Variants in OSBPL6 observed in about 807,000 individuals in gnomAD.
The protein encoded by OSBPL6 is oxysterol binding protein like 6.
Under a neutral mutation model 125.8 loss-of-function variants are expected in OSBPL6, and 49 were observed. The ratio of observed to expected loss-of-function variants is 0.39; its 90% confidence interval spans 0.31 to 0.49. OSBPL6 has a LOEUF of 0.49. Among genes scored for constraint, OSBPL6 ranks in the 20% least tolerant of loss-of-function variants. The probability of loss-of-function intolerance (pLI) is 0.88; values close to 1 mark genes in which losing one functional copy is unlikely to be tolerated. For synonymous variants in OSBPL6, 394 were observed against 391.8 expected, an observed-to-expected ratio of 1.01 and a Z score of -0.07; for missense variants, 986 against 1,135.4, an observed-to-expected ratio of 0.87 and a Z score of 1.89.
At chr2:178,352,796 C>G (rs1008506239) in intron 12 of OSBPL6, among the ~76,000 whole-genome samples, 1 of 152,186 alleles carries the variant, frequency 6.6e-6, no homozygotes, top group African/African-American at 2.4e-5. Context: ...CACATGGGTC[C>G]CTGACCCCCA....
chr2:178,320,236 T>A, intron 3 of OSBPL6: 1 of 1,593,930 alleles, frequency 6.3e-7, no homozygotes, highest in South Asian at 1.1e-5. Flanking sequence ...TACAGTCATG[T>A]TGGCACATTT....
intron 7 of OSBPL6, 46 bp from the exon 8 acceptor site, chr2:178,332,825 G>A (rs1398130946): frequency 3.7e-6 from 6 of 1,607,544 alleles, no homozygotes; most frequent in Non-Finnish European, 4.3e-6. Flanking sequence ...GTGGTAGGCA[G>A]GAGAGTTATT....
intron 3 of OSBPL6, among the ~76,000 whole-genome samples, chr2:178,314,444 C>A (rs993470492): frequency 6.6e-6 from 1 of 152,194 alleles, no homozygotes; most frequent in African/African-American, 2.4e-5. Flanking sequence ...AGTGTCCTCT[C>A]TGGAGTGCTA....
chr2:178,329,093 T>A (rs1045436228), intron 5 of OSBPL6, among the ~76,000 whole-genome samples: 1 of 152,192 alleles, frequency 6.6e-6, no homozygotes, highest in Non-Finnish European at 1.5e-5. Flanking sequence ...CATGCCTTAT[T>A]TTTTTACTAT....
intron 1 of OSBPL6, among the ~76,000 whole-genome samples, chr2:178,274,111 G>A (rs577844840): frequency 2.0e-5 from 3 of 152,232 alleles, no homozygotes; most frequent in African/African-American, 7.2e-5. Flanking sequence ...AATTATTTTA[G>A]TGTACCTATA....
chr2:178,281,652 A>G (rs1318326335), intron 1 of OSBPL6, among the ~76,000 whole-genome samples: 1 of 152,082 alleles, frequency 6.6e-6, no homozygotes, highest in Non-Finnish European at 1.5e-5. Flanking sequence ...CTTTGCAGGG[A>G]CATGGACAGA....
At chr2:178,256,402 T>G (rs2091889572) in intron 1 of OSBPL6, among the ~76,000 whole-genome samples, 4 of 152,208 alleles carry the variant, frequency 2.6e-5, no homozygotes, top group African/African-American at 9.6e-5. Flanking sequence ...CGTTGTGTAG[T>G]ATCATCTACC....
At chr2:178,264,798 T>C (rs756276746) in intron 1 of OSBPL6, among the ~76,000 whole-genome samples, 6 of 152,192 alleles carry the variant, frequency 3.9e-5, no homozygotes, top group Non-Finnish European at 7.3e-5. Context: ...TAGGATTTTG[T>C]ACTAATTGTT....
Position 178,389,150 on chromosome 2 carries a change from C to T in OSBPL6, c.2298C>T (p.Val766=). Reference sequence around the variant, plus strand: ...TTTGCATTTGCAAACTCACATTTGTCAAGGTAAATACTATCATACAACAGT... The same window carrying T: ...TTTGCATTTGCAAACTCACATTTGTTAAGGTAAATACTATCATACAACAGT... The part of the protein sequence containing the change: ...SSVCICKLTF[V]KVNYWNSNMN... The change falls in exon 21 of 25, where the codon GTC becomes GTT. Residue 766 remains valine, a synonymous_variant. Transcript: ENST00000190611. The T allele has an allele frequency of 6.2e-7, 1 of 1,613,064 alleles. No homozygotes were observed. The highest frequency in any genetic ancestry group is 8.5e-7 in the Non-Finnish European group (1 of 1,179,692).
At chr2:178,226,280 G>T (rs1178114880) in intron 1 of OSBPL6, among the ~76,000 whole-genome samples, 1 of 140,476 alleles carries the variant, frequency 7.1e-6, no homozygotes. Context: ...GATGCTGGGT[G>T]GTGCAGTCAC....
At chr2:178,272,200 C>A (rs2092387060) in intron 1 of OSBPL6, among the ~76,000 whole-genome samples, 1 of 152,186 alleles carries the variant, frequency 6.6e-6, no homozygotes, top group South Asian at 2.1e-4. Flanking sequence ...ATCCAAAAAG[C>A]ATTTCAGTTA....
chr2:178,339,035 C>G lies in OSBPL6; in HGVS notation c.835C>G (p.Leu279Val). Residue 279 changes from leucine to valine, a missense_variant, in exon 10 of 25, where the codon CTG becomes GTG. By Grantham distance (32) the Leu-to-Val change is conservative. This residue lies in a region of OSBPL6 where 843 missense variants were observed against 997.3 expected (regional missense o/e 0.85). Transcript: ENST00000190611. Reference sequence around the variant, plus strand: ...AAACCTTGTGGAACTTAGCAAACTCCTGCAAAATTTGGAAATACTTCAGAG... The same window carrying G: ...AAACCTTGTGGAACTTAGCAAACTCGTGCAAAATTTGGAAATACTTCAGAG... Reference protein sequence around the residue: ...QSNLVELSKLLQNLEILQRTQ... With the variant: ...QSNLVELSKLVQNLEILQRTQ... 2 of 1,613,522 alleles carry G rather than the reference C, an allele frequency of 1.2e-6. No homozygotes were observed. The highest frequency in any genetic ancestry group is 1.7e-6 in the Non-Finnish European group (2 of 1,179,750).
At chr2:178,251,264 C>A (rs995847145) in intron 1 of OSBPL6, among the ~76,000 whole-genome samples, 2 of 152,114 alleles carry the variant, frequency 1.3e-5, no homozygotes, top group Non-Finnish European at 2.9e-5. Flanking sequence ...AGGACTGAAG[C>A]CTTGCATTAG....
intron 12 of OSBPL6, among the ~76,000 whole-genome samples, chr2:178,360,527 G>A (rs1692255218): frequency 6.6e-6 from 1 of 151,890 alleles, no homozygotes; most frequent in Admixed American, 6.6e-5. Context: ...CTACTTATAT[G>A]TATCTTATAA....
At chr2:178,306,541 C>T (rs1686777054) in intron 3 of OSBPL6, among the ~76,000 whole-genome samples, 1 of 152,152 alleles carries the variant, frequency 6.6e-6, no homozygotes, top group Admixed American at 6.5e-5. Flanking sequence ...GCCGTCTTTT[C>T]CTCCCTGCAC....
At chr2:178,201,416 A>G (rs993667964) in intron 1 of OSBPL6, among the ~76,000 whole-genome samples, 2 of 151,812 alleles carry the variant, frequency 1.3e-5, no homozygotes, top group African/African-American at 2.4e-5. Context: ...GGGTCTCACT[A>G]TGTTGCCCAG....
chr2:178,215,098 T>TAA (rs77043400), intron 1 of OSBPL6, among the ~76,000 whole-genome samples: 1 of 138,920 alleles, frequency 7.2e-6, no homozygotes. Context: ...AATTATCCTT[T>TAA]AAAAAAAAAA....
intron 1 of OSBPL6, among the ~76,000 whole-genome samples, chr2:178,229,986 C>T (rs1233009951): frequency 2.6e-5 from 4 of 152,194 alleles, no homozygotes; most frequent in South Asian, 2.1e-4. Flanking sequence ...AATGGACCAG[C>T]CCTCAGTCTC....
rs578182180 is a variant in OSBPL6, at chr2:178,306,065, C to T, written c.-120C>T. 1 of 658,302 alleles carries T rather than the reference C, an allele frequency of 1.5e-6. No individual in the cohort carries two copies. The highest frequency in any genetic ancestry group is 2.0e-5 in the South Asian group (1 of 50,834). 40.8% of individuals were successfully genotyped at this position (658,302 alleles called of 1,614,324 possible). On this transcript the variant is annotated 5_prime_UTR_variant, in exon 3 of 25. Transcript: ENST00000190611. ...CACCCTCAATATTGCCTGCTCTTTT[C>T]TAGTCAAACCTGATTCATGAAATGG... is the stretch of plus-strand genomic sequence containing the variant.
Sources: gnomAD v4.1 joint callset for allele counts (sites outside exome capture counted in the v4.1 genomes callset) on GRCh38, gnomAD v4.1.1 for gene constraint, gnomAD v4.1.1 regional missense constraint, MANE v1.5 for transcripts, NCBI Gene and HGNC (gene_info 2026-07-23, HGNC 2026-07-21) for gene names.